NLRP14: variants seen among roughly 807,000 people sequenced by gnomAD.
NLRP14 encodes the protein NLR family pyrin domain containing 14, also known as NACHT, LRR and PYD domains-containing protein 14.
A neutral mutation model predicts 94.7 loss-of-function variants in NLRP14; 105 were observed. The observed-to-expected ratio is 1.11, with a 90% CI of 0.95 to 1.30. The LOEUF is 1.30. Among genes scored for constraint, NLRP14 ranks in the 50% most tolerant of loss-of-function variants. The pLI, the probability that NLRP14 is intolerant of heterozygous loss-of-function variation, is 0.00. For missense variants in NLRP14, 1,362 were observed against 1,254.1 expected, an observed-to-expected ratio of 1.09 and a Z score of -1.30; for synonymous variants, 508 against 459.9, an observed-to-expected ratio of 1.10 and a Z score of -1.34.
At chr11:7,030,035 A>T (rs1852069713) in intron 1 of NLRP14, among the ~76,000 whole-genome samples, 2 of 152,248 alleles carry the variant, frequency 1.3e-5, no homozygotes, top group African/African-American at 2.4e-5. Flanking sequence ...ATGCTGTCTT[A>T]AATAAGGATA....
rs185567804 is a variant in NLRP14, at chr11:7,050,306, A to C, written c.2291+468A>C. ...ACTTCAACTCAGTGACCAGCCCAGAAGGCTGAGAAAGAAGAGCATGGAAAT... is the reference window on the plus strand; with the variant it reads ...ACTTCAACTCAGTGACCAGCCCAGACGGCTGAGAAAGAAGAGCATGGAAAT... On this transcript the variant is annotated intron_variant, in intron 6 of 11. Transcript: ENST00000299481. Among the ~76,000 whole-genome samples, 183 of 152,282 alleles carry C rather than the reference A, an allele frequency of 1.2e-3. 1 individual carries two copies. The highest frequency in any genetic ancestry group is 3.5e-3 in the African/African-American group (144 of 41,558).
downstream of NLRP14, among the ~76,000 whole-genome samples, chr11:7,076,112 AAATTTT>A (rs1852871660): frequency 1.3e-5 from 2 of 152,176 alleles, no homozygotes; most frequent in Non-Finnish European, 2.9e-5. Flanking sequence ...AGTCAAATGA[AAATTTT>A]GATATTTTGA....
At chr11:7,035,999 CG>C (rs1274217170) in intron 1 of NLRP14, among the ~76,000 whole-genome samples, 1 of 152,088 alleles carries the variant, frequency 6.6e-6, no homozygotes, top group Admixed American at 6.6e-5. Context: ...TCTGAGACTC[CG>C]TATCTATAAA....
chr11:7,087,758 G>T, the NLRP14 span, among the ~76,000 whole-genome samples: 1 of 152,088 alleles, frequency 6.6e-6, no homozygotes, highest in Non-Finnish European at 1.5e-5. Context: ...ACAAGAAAAG[G>T]CAAGAAAGAT....
intron 6 of NLRP14, among the ~76,000 whole-genome samples, chr11:7,056,124 AT>A (rs1235397685): frequency 6.6e-6 from 1 of 151,924 alleles, no homozygotes; most frequent in East Asian, 1.9e-4. Context: ...TTTATTTTTT[AT>A]TACTTTATAC....
intron 10 of NLRP14, among the ~76,000 whole-genome samples, chr11:7,066,170 C>A (rs1184547458): frequency 1.3e-5 from 2 of 152,146 alleles, no homozygotes; most frequent in African/African-American, 4.8e-5. Context: ...AATAAACATA[C>A]ATGTGCATGT....
downstream of NLRP14, among the ~76,000 whole-genome samples, chr11:7,072,973 T>C (rs1168339542): frequency 3.9e-5 from 6 of 152,196 alleles, no homozygotes; most frequent in Non-Finnish European, 8.8e-5. Flanking sequence ...TACGAGTGCT[T>C]GACTATGGCT....
chr11:7,070,725 C>T (rs1474193902), intron 11 of NLRP14, among the ~76,000 whole-genome samples: 1 of 152,154 alleles, frequency 6.6e-6, no homozygotes, highest in Admixed American at 6.5e-5. Context: ...AGTCCCCCAT[C>T]ACTCTTTGTT....
Position 7,039,774 on chromosome 11 carries a change from A to G in NLRP14, c.350A>G (p.Glu117Gly). 6.2e-7 allele frequency: 1 copy of G among 1,613,622 alleles called. No homozygotes were observed. The highest frequency in any genetic ancestry group is 8.5e-7 in the Non-Finnish European group (1 of 1,179,506). The change falls in exon 3 of 12, where the codon GAG becomes GGG. Residue 117 changes from glutamate (E) to glycine (G), a missense_variant. Glu to Gly is a moderately conservative substitution (Grantham distance 98). Coordinates refer to ENST00000299481, the MANE Select transcript of NLRP14 (RefSeq NM_176822.4). ...GCTGGAGAGACACAAGAAGATCAGG[A>G]GGCAGTGCTGGGTGAGTAGTTAGGC... The part of the protein sequence containing the change: ...AKAGETQEDQ[E>G]AVLGDGTEYR...
rs764042647 is a variant in NLRP14, at chr11:7,062,504, G to A, written c.2975+1G>A. ...CAAACTGTAACATTCAGAGGCTCGG[G>A]TGAGTTCATAGTTTTCCATTAGGAA... On this transcript the variant is annotated splice_donor_variant, in intron 10 of 11. Transcript: ENST00000299481. LOFTEE classifies it high-confidence loss of function. The A allele has an allele frequency of 6.2e-6, 10 of 1,612,296 alleles. No homozygotes were observed. Among genetic ancestry groups the A allele is most frequent in the Admixed American group, 3.3e-5 (2 of 59,884 alleles).
intron 6 of NLRP14, among the ~76,000 whole-genome samples, chr11:7,055,243 T>C (rs745573192): frequency 3.9e-5 from 6 of 152,236 alleles, no homozygotes; most frequent in Non-Finnish European, 7.4e-5. Flanking sequence ...ATGAAGCCTA[T>C]CCTCTTAGTG....
intron 4 of NLRP14, 136 bp from the exon 5 acceptor site, chr11:7,046,532 G>C (rs1055548730): frequency 2.6e-6 from 2 of 780,692 alleles, no homozygotes; most frequent in African/African-American, 3.4e-5. Flanking sequence ...GGTGGACTGT[G>C]CCCACGGTGG....
chr11:7,054,401 T>A (rs952892925), intron 6 of NLRP14, among the ~76,000 whole-genome samples: 1 of 152,162 alleles, frequency 6.6e-6, no homozygotes, highest in Non-Finnish European at 1.5e-5. Flanking sequence ...TCCATAATAG[T>A]TGTGTTAATT....
chr11:7,037,201 T>C (rs1274805451), intron 1 of NLRP14, among the ~76,000 whole-genome samples: 1 of 152,226 alleles, frequency 6.6e-6, no homozygotes, highest in South Asian at 2.1e-4. Flanking sequence ...TTATGCTTTT[T>C]AAAAAATTAC....
chr11:7,082,170 A>T, the NLRP14 span, among the ~76,000 whole-genome samples: 1 of 152,236 alleles, frequency 6.6e-6, no homozygotes, highest in Non-Finnish European at 1.5e-5. Context: ...GTCTTTGACC[A>T]TGAATTCTTT....
intron 4 of NLRP14, among the ~76,000 whole-genome samples, chr11:7,045,313 A>G (rs907504279): frequency 6.6e-6 from 1 of 152,250 alleles, no homozygotes; most frequent in African/African-American, 2.4e-5. Flanking sequence ...TTTATGCCTA[A>G]TAGTAAATGC....
chr11:7,067,796 A>T (rs562739559), intron 10 of NLRP14, among the ~76,000 whole-genome samples: 3 of 152,282 alleles, frequency 2.0e-5, no homozygotes, highest in African/African-American at 7.2e-5. Flanking sequence ...TTTTTGTGTC[A>T]GAATTACAGT....
At chr11:7,090,316 G>T in the NLRP14 span, 1 of 1,575,210 alleles carries the variant, frequency 6.3e-7, no homozygotes, top group Non-Finnish European at 8.6e-7. Context: ...ACAGACTTGG[G>T]ACCAAAAATC....
At chr11:7,089,257 A>G in the NLRP14 span, 6 of 1,611,650 alleles carry the variant, frequency 3.7e-6, no homozygotes, top group South Asian at 1.1e-5. Context: ...CGAGAAACCA[A>G]CAAGTCGAGG....
Sources: allele counts gnomAD v4.1 joint callset (sites outside exome capture counted in the v4.1 genomes callset), GRCh38; gene constraint gnomAD v4.1.1; transcripts MANE v1.5; gene names NCBI Gene and HGNC (gene_info 2026-07-23, HGNC 2026-07-21).